The following NBPF26 variants were observed in gnomAD, a reference collection of about 807,000 sequenced individuals.
The protein encoded by NBPF26 is NBPF member 26.
NBPF26 carries 79 observed loss-of-function variants against 119.6 expected under a neutral mutation model. The observed-to-expected ratio is 0.66, with a 90% CI of 0.55 to 0.80. The LOEUF (loss-of-function observed/expected upper bound fraction) is 0.80. Among genes scored for constraint, NBPF26 ranks in the 30% least tolerant of loss-of-function variants. The pLI, the probability that NBPF26 is intolerant of heterozygous loss-of-function variation, is 0.00. For missense variants in NBPF26, 800 were observed against 1,198.2 expected (o/e 0.67, Z 4.91); for synonymous variants, 299 against 457.7 (o/e 0.65, Z 4.43).
chr1:120,750,536 A>G lies in NBPF26; in HGVS notation c.74-13092A>G, dbSNP rs1210749487. Among the ~76,000 whole-genome samples the G allele has an allele frequency of 3.8e-5, 4 of 105,006 alleles. 2 individuals carry two copies. The highest frequency in any genetic ancestry group is 2.5e-4 in the African/African-American group (4 of 15,798). 68.9% of individuals were successfully genotyped at this position (105,006 alleles called of 152,430 possible). ...GCCTTGCTTTTCTTCATGATGCCCT[A>G]TTAGCTTCATCTTCAGGTAGCATAG... On this transcript the variant is annotated intron_variant, in intron 1 of 29. Transcript: ENST00000620612.
rs1441265191 is a variant in NBPF26 at position 120,811,234 on chromosome 1, C to T, written c.1565-652C>T. Among the ~76,000 whole-genome samples, 8 of 102,704 alleles carry T rather than the reference C, an allele frequency of 7.8e-5. 3 individuals carry two copies. Among genetic ancestry groups the T allele is most frequent in the African/African-American group, 4.2e-4 (7 of 16,552 alleles). 67.4% of individuals were successfully genotyped at this position (102,704 alleles called of 152,430 possible). On this transcript the variant is annotated intron_variant, in intron 9 of 29. Transcript: ENST00000620612. ...CTGCACTCCAGCCTGGGAGACAGAG[C>T]GAGACTCCATCTCAAAAAAAAAAAG...
exon 5 of NBPF26, chr1:120,805,585 G>T (rs1297626067): frequency 1.4e-6 from 2 of 1,455,548 alleles, no homozygotes; most frequent in East Asian, 2.3e-5. Context: ...TGCCACAAAC[G>T]TCAGCATGGT....
intron 18 of NBPF26, among the ~76,000 whole-genome samples, chr1:120,825,187 C>T (rs879035478): frequency 1.7e-4 from 21 of 122,312 alleles, no homozygotes; most frequent in African/African-American, 5.0e-4. Flanking sequence ...AATTATTGAG[C>T]CCACTCTTTT....
In NBPF26 at chr1:120,777,724, GCTT is replaced by G. The variant is rs1214486061; in HGVS notation, c.156-7244_156-7242del. Among the ~76,000 whole-genome samples the G allele has an allele frequency of 2.3e-5, 2 of 87,562 alleles. 1 individual carries two copies. The highest frequency in any genetic ancestry group is 1.6e-4 in the African/African-American group (2 of 12,162). 57.4% of individuals were successfully genotyped at this position (87,562 alleles called of 152,430 possible). Reference sequence around the variant, plus strand: ...GAATGGCAAGAAGTAGTATGACAGAGCTTCTTCTCTTTTTTTCCCCTCTTTACC... The same window carrying G: ...GAATGGCAAGAAGTAGTATGACAGAGCTTCTCTTTTTTTCCCCTCTTTACC... On this transcript the variant is annotated intron_variant, in intron 2 of 29. Coordinates refer to ENST00000620612, the Ensembl canonical transcript of NBPF26.
At chr1:120,814,660 T>C (rs1346436863) in intron 11 of NBPF26, among the ~76,000 whole-genome samples, 169 bp from the exon 12 acceptor site, 3 of 123,662 alleles carry the variant, frequency 2.4e-5, no homozygotes, top group Non-Finnish European at 5.0e-5. Flanking sequence ...AGGAAGCCTG[T>C]AAACCATTTT....
intron 1 of NBPF26, among the ~76,000 whole-genome samples, chr1:120,735,406 T>C (rs1650904632): frequency 2.1e-5 from 2 of 95,648 alleles, no homozygotes; most frequent in Non-Finnish European, 3.8e-5. Flanking sequence ...TTTTTTCTTT[T>C]TTGATTTTTA....
At position 120,779,526 on chromosome 1, in the gene NBPF26, A is replaced by T. The variant is rs1651338821; in HGVS notation, c.156-5448A>T. On this transcript the variant is annotated intron_variant, in intron 2 of 29. Coordinates refer to ENST00000620612, the Ensembl canonical transcript of NBPF26. The stretch of plus-strand genomic sequence containing the variant: ...GAGACATTGAAGAGACAGTTATGAA[A>T]ATAATTAATAAACTCCCTACAGGAG... 1.7e-5 allele frequency among the ~76,000 whole-genome samples: 2 copies of T among 120,050 alleles called. 1 individual carries two copies. The highest frequency in any genetic ancestry group is 7.6e-5 in the African/African-American group (2 of 26,164). 78.8% of individuals were successfully genotyped at this position (120,050 alleles called of 152,430 possible).
chr1:120,809,835 A>G (rs1651813984), exon 8 of NBPF26: 1 of 1,507,696 alleles, frequency 6.6e-7, no homozygotes. Flanking sequence ...GAGGATGAAG[A>G]TGTTCAAGTT....
chr1:120,806,667 C>T lies in NBPF26; in HGVS notation c.961+902C>T, dbSNP rs1284186503. 3.3e-5 allele frequency among the ~76,000 whole-genome samples: 4 copies of T among 121,434 alleles called. 1 individual carries two copies. Among genetic ancestry groups the T allele is most frequent in the African/African-American group, 8.0e-5 (2 of 24,876 alleles). 79.7% of individuals were successfully genotyped at this position (121,434 alleles called of 152,430 possible). A position where few individuals can be genotyped will look rare whatever the true frequency, so the allele number is the denominator to read the frequency against. On this transcript the variant is annotated intron_variant, in intron 5 of 29. Transcript: ENST00000620612. Reference sequence around the variant, plus strand: ...GAGAGTACCTTGGTGAGAGTGAAGTCCTGCTTCCTGGTGCACAGGCTCTTG... The same window carrying T: ...GAGAGTACCTTGGTGAGAGTGAAGTTCTGCTTCCTGGTGCACAGGCTCTTG...
intron 2 of NBPF26, among the ~76,000 whole-genome samples, chr1:120,764,755 CT>C (rs1651171447): frequency 8.9e-6 from 1 of 112,266 alleles, no homozygotes; most frequent in Non-Finnish European, 1.7e-5. Context: ...TGTATCCATT[CT>C]TTTTATTTCA....
At chr1:120,809,429 G>A (rs1475206060) in intron 7 of NBPF26, among the ~76,000 whole-genome samples, 1 of 149,286 alleles carries the variant, frequency 6.7e-6, no homozygotes, top group Non-Finnish European at 1.5e-5. Context: ...GGACAAGTTT[G>A]TCCTCTCCTA....
At position 120,817,154 on chromosome 1, in the gene NBPF26, C is replaced by T. The variant is rs1465927123; in HGVS notation, c.2371+327C>T. Among the ~76,000 whole-genome samples, 10 of 116,436 alleles carry T rather than the reference C, an allele frequency of 8.6e-5. 1 individual carries two copies. The highest frequency in any genetic ancestry group is 1.5e-4 in the Non-Finnish European group (9 of 60,926). The allele number at this position is 116,436 out of a possible 152,430, so 76.4% of individuals were successfully genotyped here. A position where few individuals can be genotyped will look rare whatever the true frequency, so the allele number is the denominator to read the frequency against. ...TAAGTCATCTGTCCCTGAACAATGTCCATGGAGTTTCTATGCCTGTTTAAG... is the reference window on the plus strand; with the variant it reads ...TAAGTCATCTGTCCCTGAACAATGTTCATGGAGTTTCTATGCCTGTTTAAG... On this transcript the variant is annotated intron_variant, in intron 14 of 29. Coordinates refer to ENST00000620612, the Ensembl canonical transcript of NBPF26.
At chr1:120,764,241 C>T (rs1438592025) in intron 2 of NBPF26, among the ~76,000 whole-genome samples, 2,446 of 112,588 alleles carry the variant, frequency 0.022, 575 homozygotes, top group Admixed American at 0.029. Context: ...AGCAAGACTC[C>T]GTCTCAAAAA....
chr1:120,815,375 C>T lies in NBPF26; in HGVS notation c.2092+332C>T, dbSNP rs1477308915. Among the ~76,000 whole-genome samples, 2 of 115,236 alleles carry T rather than the reference C, an allele frequency of 1.7e-5. 1 individual carries two copies. The highest frequency in any genetic ancestry group is 1.0e-4 in the African/African-American group (2 of 19,116). 75.6% of individuals were successfully genotyped at this position (115,236 alleles called of 152,430 possible). On this transcript the variant is annotated intron_variant, in intron 12 of 29. Transcript: ENST00000620612. The stretch of plus-strand genomic sequence containing the variant: ...GCTCTGGACTAAGAATGAAGGTTCC[C>T]AGGCTGTCTTTTCGACAATGTTCTT...
In NBPF26 at chr1:120,805,803, T is replaced by C. The variant is rs1651667876; in HGVS notation, c.961+38T>C. 10 of 1,277,898 alleles carry C rather than the reference T, an allele frequency of 7.8e-6. 3 individuals are homozygous for C. Among genetic ancestry groups the C allele is most frequent in the Admixed American group, 5.6e-5 (3 of 53,216 alleles). 79.2% of individuals were successfully genotyped at this position (1,277,898 alleles called of 1,614,324 possible). A position where few individuals can be genotyped will look rare whatever the true frequency, so the allele number is the denominator to read the frequency against. On this transcript the variant is annotated intron_variant, in intron 5 of 29. Coordinates refer to ENST00000620612, the Ensembl canonical transcript of NBPF26. ...GGCTCACCATCATGAAAGTGATGAATGATATCCTGTCTTCTCTCTGAGACA... is the reference window on the plus strand; with the variant it reads ...GGCTCACCATCATGAAAGTGATGAACGATATCCTGTCTTCTCTCTGAGACA...
chr1:120,817,207 G>A (rs1652028070), intron 14 of NBPF26, among the ~76,000 whole-genome samples: 1 of 116,160 alleles, frequency 8.6e-6, no homozygotes, highest in Admixed American at 8.3e-5. Flanking sequence ...CTTTGTATTT[G>A]GAAATATTGT....
At chr1:120,811,595 A>G in intron 9 of NBPF26, among the ~76,000 whole-genome samples, 1 of 113,478 alleles carries the variant, frequency 8.8e-6, no homozygotes, top group East Asian at 2.1e-4. Context: ...CTTTTGTGCT[A>G]CACAGAAACA....
rs1185481543 is a variant in NBPF26 at position 120,743,774 on chromosome 1, A to G, written c.73+19524A>G. ...AAGCCTGCATTCCAGAAGTTCTGGT[A>G]TGGATAGTGTGAGCCCAGGGAATGT... On this transcript the variant is annotated intron_variant, in intron 1 of 29. Transcript: ENST00000620612. 3.2e-5 allele frequency among the ~76,000 whole-genome samples: 4 copies of G among 125,032 alleles called. 1 individual carries two copies. The highest frequency in any genetic ancestry group is 6.6e-5 in the Non-Finnish European group (4 of 60,374). The allele number at this position is 125,032 out of a possible 152,430, so 82.0% of individuals were successfully genotyped here.
rs1372749281 is a variant in NBPF26, at chr1:120,790,806, G to A, written c.416-2355G>A. Among the ~76,000 whole-genome samples, 2 of 104,236 alleles carry A rather than the reference G, an allele frequency of 1.9e-5. 1 individual carries two copies. The highest frequency in any genetic ancestry group is 3.5e-5 in the Non-Finnish European group (2 of 56,738). The allele number at this position is 104,236 out of a possible 152,430, so 68.4% of individuals were successfully genotyped here. A position where few individuals can be genotyped will look rare whatever the true frequency, so the allele number is the denominator to read the frequency against. Reference sequence around the variant, plus strand: ...GAAAAGATGGCGTTTCACCATGTTGGCCAGGCTGGTCTCAAACTCCTAACC... The same window carrying A: ...GAAAAGATGGCGTTTCACCATGTTGACCAGGCTGGTCTCAAACTCCTAACC... On this transcript the variant is annotated intron_variant, in intron 3 of 29. Transcript: ENST00000620612.
Sources: gnomAD v4.1 joint callset for allele counts (sites outside exome capture counted in the v4.1 genomes callset) on GRCh38, gnomAD v4.1.1 for gene constraint, MANE v1.5 for transcripts, NCBI Gene and HGNC (gene_info 2026-07-23, HGNC 2026-07-21) for gene names.